SMAD9: variants seen among roughly 807,000 people sequenced by gnomAD.
SMAD9 encodes SMAD family member 9.
In SMAD9, 36 loss-of-function variants were observed where a neutral mutation model predicts 46.1. That is an observed-to-expected ratio of 0.78 (90% confidence interval 0.60 to 1.03). SMAD9 has a LOEUF of 1.03. Among genes scored for constraint, SMAD9 ranks in the 50% least tolerant of loss-of-function variants. The probability of loss-of-function intolerance (pLI) is 0.00; values close to 1 mark genes in which losing one functional copy is unlikely to be tolerated. For synonymous variants in SMAD9, 245 were observed against 237.1 expected (o/e 1.03, Z -0.31); for missense variants, 572 against 599.8 (o/e 0.95, Z 0.48).
rs181347872 is a variant in SMAD9 at position 36,863,174 on chromosome 13, T to C, written c.1003+2363A>G. ...ATGCTGCTCAGAACCAGATAACCCA[T>C]GGCAGCATCTGAGAGAGAATCCTGT... On this transcript the variant is annotated intron_variant, in intron 5 of 6. Coordinates refer to ENST00000379826, the MANE Select transcript of SMAD9 (RefSeq NM_001127217.3). 1.1e-4 allele frequency among the ~76,000 whole-genome samples: 16 copies of C among 152,330 alleles called. 1 individual carries two copies. The highest frequency in any genetic ancestry group is 3.3e-4 in the Admixed American group (5 of 15,306).
intron 1 of SMAD9, among the ~76,000 whole-genome samples, chr13:36,903,903 C>T (rs1479499241): frequency 1.3e-5 from 2 of 151,964 alleles, no homozygotes; most frequent in Admixed American, 6.6e-5. Context: ...ACAGGGCACA[C>T]GTGATAAAGC....
chr13:36,875,626 G>C (rs962279475), intron 2 of SMAD9, among the ~76,000 whole-genome samples: 1 of 152,160 alleles, frequency 6.6e-6, no homozygotes, highest in Non-Finnish European at 1.5e-5. Flanking sequence ...TTGACACAGC[G>C]AATGTGTATG....
rs1330328408 is a variant in SMAD9 at position 36,876,087 on chromosome 13, G to A, written c.413-3172C>T. Among the ~76,000 whole-genome samples, 3 of 152,068 alleles carry A rather than the reference G, an allele frequency of 2.0e-5. No individual in the cohort carries two copies. The East Asian group carries it at 5.8e-4, about 29-fold the overall frequency. ...TTAATTCCACTTCCACATCTCAACTGCTGCTTGTAAATATGACAGTGCGCT... is the reference window on the plus strand; with the variant it reads ...TTAATTCCACTTCCACATCTCAACTACTGCTTGTAAATATGACAGTGCGCT... On this transcript the variant is annotated intron_variant, in intron 2 of 6. Coordinates refer to ENST00000379826, the MANE Select transcript of SMAD9 (RefSeq NM_001127217.3).
intron 6 of SMAD9, among the ~76,000 whole-genome samples, chr13:36,851,314 CTCT>C (rs1255176923): frequency 3.9e-5 from 6 of 152,134 alleles, no homozygotes; most frequent in African/African-American, 7.2e-5. Flanking sequence ...TTGCTCTTCC[CTCT>C]TCTTCTGCTC....
intron 1 of SMAD9, among the ~76,000 whole-genome samples, chr13:36,894,830 G>A (rs773422695): frequency 7.2e-5 from 11 of 152,118 alleles, no homozygotes; most frequent in Non-Finnish European, 1.5e-4. Flanking sequence ...ATCTCATTGA[G>A]AAATGCAAAT....
chr13:36,853,080 T>C (rs1477477342), intron 6 of SMAD9, among the ~76,000 whole-genome samples: 4 of 151,780 alleles, frequency 2.6e-5, no homozygotes, highest in Non-Finnish European at 5.9e-5. Flanking sequence ...AGGTCAGGAG[T>C]TCAAGACCAC....
intron 1 of SMAD9, among the ~76,000 whole-genome samples, chr13:36,882,104 G>T (rs648206): frequency 0.58 from 88,511 of 151,364 alleles, 26,709 homozygotes; most frequent in African/African-American, 0.73. Flanking sequence ...TGAAATCAAT[G>T]AATTGGAACA....
intron 1 of SMAD9, among the ~76,000 whole-genome samples, chr13:36,907,787 A>C (rs916683895): frequency 6.6e-6 from 1 of 152,246 alleles, no homozygotes; most frequent in Non-Finnish European, 1.5e-5. Context: ...ACTACCTTCA[A>C]GGGATTTTAC....
In SMAD9 at chr13:36,853,637, C is replaced by T. The variant is rs375386551; in HGVS notation, c.1042G>A (p.Glu348Lys). 2.5e-4 allele frequency: 402 copies of T among 1,613,942 alleles called. 1 individual carries two copies. The highest frequency in any genetic ancestry group is 3.2e-4 in the Non-Finnish European group (378 of 1,179,998). ...AAGATGCTGCTGTCACTCACGCACTCGGCATACACCTCTCCCCCGACGTAG... is the reference window on the plus strand; with the variant it reads ...AAGATGCTGCTGTCACTCACGCACTTGGCATACACCTCTCCCCCGACGTAG... ...LYYVGGEVYA[E>K]CVSDSSIFVQ... The change falls in exon 6 of 7, where the codon GAG becomes AAG. Residue 348 changes from glutamate (E) to lysine (K), a missense_variant. Physicochemically the swap from Glu to Lys is moderately conservative, Grantham distance 56. Coordinates refer to ENST00000379826, the MANE Select transcript of SMAD9 (RefSeq NM_001127217.3).
chr13:36,919,323 C>A (rs1023293098), intron 1 of SMAD9, among the ~76,000 whole-genome samples: 2 of 152,194 alleles, frequency 1.3e-5, no homozygotes, highest in African/African-American at 4.8e-5. Context: ...AGGCAGTCTC[C>A]TGTATCTGCT....
At chr13:36,896,173 C>T (rs1327867110) in intron 1 of SMAD9, among the ~76,000 whole-genome samples, 2 of 151,852 alleles carry the variant, frequency 1.3e-5, no homozygotes, top group East Asian at 3.9e-4. Flanking sequence ...CACTCTTTTG[C>T]CCAGGCTGAA....
intron 2 of SMAD9, among the ~76,000 whole-genome samples, chr13:36,874,012 CA>C (rs1402990935): frequency 6.6e-6 from 1 of 152,186 alleles, no homozygotes; most frequent in Non-Finnish European, 1.5e-5. Context: ...TTCTTAAGGG[CA>C]AGCTTTGCCC....
intron 3 of SMAD9, among the ~76,000 whole-genome samples, chr13:36,872,434 C>A (rs1484000135): frequency 6.6e-6 from 1 of 151,508 alleles, no homozygotes; most frequent in Non-Finnish European, 1.5e-5. Flanking sequence ...TTTCTGAGAG[C>A]TTCCAGAGCA....
Position 36,867,420 on chromosome 13 carries a change from C to T in SMAD9, c.671-37G>A, listed in dbSNP as rs760291074. On this transcript the variant is annotated intron_variant, in intron 3 of 6. Transcript: ENST00000379826. ...CAGTAGAACAAAGGAATTGTCAAAT[C>T]GATAAACCACACAAAGACAGTTGGA... 8.1e-6 allele frequency: 11 copies of T among 1,352,136 alleles called. No individual in the cohort carries two copies. The South Asian group carries it at 1.0e-4, about 13-fold the overall frequency. 83.8% of individuals were successfully genotyped at this position (1,352,136 alleles called of 1,614,324 possible). A position where few individuals can be genotyped will look rare whatever the true frequency, so the allele number is the denominator to read the frequency against.
At chr13:36,852,425 G>A (rs1031602269) in intron 6 of SMAD9, 2 of 984,388 alleles carry the variant, frequency 2.0e-6, no homozygotes, top group Non-Finnish European at 2.4e-6. Context: ...AATAGCAGGT[G>A]ATGAAACTGA....
chr13:36,912,391 A>C (rs904716177), intron 1 of SMAD9, among the ~76,000 whole-genome samples: 1 of 152,178 alleles, frequency 6.6e-6, no homozygotes, highest in Non-Finnish European at 1.5e-5. Context: ...CTAGCAGCTG[A>C]ATATTTCAAG....
At chr13:36,857,994 A>G (rs2138324177) in intron 5 of SMAD9, among the ~76,000 whole-genome samples, 2 of 152,298 alleles carry the variant, frequency 1.3e-5, no homozygotes, top group South Asian at 2.1e-4. Context: ...ATATAGTTAG[A>G]TATAAACTCC....
intron 1 of SMAD9, among the ~76,000 whole-genome samples, chr13:36,899,063 T>C (rs1384394090): frequency 2.0e-5 from 3 of 149,938 alleles, no homozygotes; most frequent in Non-Finnish European, 1.5e-5. Context: ...TGAAACTAAT[T>C]AGTGAATTTA....
intron 2 of SMAD9, among the ~76,000 whole-genome samples, 189 bp from the exon 3 acceptor site, chr13:36,873,104 C>G (rs995752009): frequency 4.6e-5 from 7 of 152,158 alleles, no homozygotes; most frequent in Non-Finnish European, 8.8e-5. Context: ...ACCTAAGAAG[C>G]AAGCATGTGA....
Sources: gnomAD v4.1 joint callset for allele counts (sites outside exome capture counted in the v4.1 genomes callset) on GRCh38, gnomAD v4.1.1 for gene constraint, MANE v1.5 for transcripts, NCBI Gene and HGNC (gene_info 2026-07-23, HGNC 2026-07-21) for gene names.